PGM1: variants seen among roughly 807,000 people sequenced by gnomAD.
PGM1 encodes phosphoglucomutase-1.
In PGM1, 52 loss-of-function variants were observed where a neutral mutation model predicts 55.6. The observed-to-expected ratio is 0.94, with a 90% CI of 0.75 to 1.18. The LOEUF (loss-of-function observed/expected upper bound fraction) is 1.18. PGM1 is among the 50% of genes most tolerant of loss of function. The probability of loss-of-function intolerance (pLI) is 0.00; values close to 1 mark genes in which losing one functional copy is unlikely to be tolerated. For missense variants in PGM1, 724 were observed against 729.3 expected, an observed-to-expected ratio of 0.99 and a Z score of 0.08; for synonymous variants, 287 against 271.7, an observed-to-expected ratio of 1.06 and a Z score of -0.55.
At chr1:63,603,150 A>G (rs1326664532) in intron 1 of PGM1, among the ~76,000 whole-genome samples, 4 of 152,142 alleles carry the variant, frequency 2.6e-5, no homozygotes, top group Non-Finnish European at 5.9e-5. Flanking sequence ...AATGTACCTC[A>G]TGTTTTCTAT....
At chr1:63,612,597 A>G (rs189993417) in intron 1 of PGM1, among the ~76,000 whole-genome samples, 1 of 152,138 alleles carries the variant, frequency 6.6e-6, no homozygotes, top group East Asian at 1.9e-4. Flanking sequence ...CCACTTTTCT[A>G]CCTCATGTTG....
intron 7 of PGM1, among the ~76,000 whole-genome samples, chr1:63,647,742 T>C (rs1649693916): frequency 6.6e-6 from 1 of 152,186 alleles, no homozygotes; most frequent in Non-Finnish European, 1.5e-5. Flanking sequence ...TCAAGCCTCT[T>C]GTGTGCTTGG....
intron 3 of PGM1, among the ~76,000 whole-genome samples, chr1:63,630,935 A>C (rs1279814075): frequency 6.6e-6 from 1 of 152,158 alleles, no homozygotes; most frequent in Non-Finnish European, 1.5e-5. Context: ...CATCCTAACA[A>C]AGATAAAGTG....
At chr1:63,607,316 C>T (rs1429553773) in intron 1 of PGM1, among the ~76,000 whole-genome samples, 1 of 152,168 alleles carries the variant, frequency 6.6e-6, no homozygotes, top group Non-Finnish European at 1.5e-5. Flanking sequence ...AATTAGTATC[C>T]CATGCTTCTG....
chr1:63,627,899 G>A (rs768132944), intron 1 of PGM1, among the ~76,000 whole-genome samples: 47 of 152,258 alleles, frequency 3.1e-4, no homozygotes, highest in Non-Finnish European at 5.7e-4. Context: ...ATGTCACTGT[G>A]TTGAGTCAGG....
chr1:63,622,753 C>T (rs1648915829), intron 1 of PGM1, among the ~76,000 whole-genome samples: 2 of 152,064 alleles, frequency 1.3e-5, no homozygotes, highest in African/African-American at 4.8e-5. Context: ...CTTTGGTGGC[C>T]AATGAATAAA....
At chr1:63,607,501 C>T (rs765144114) in intron 1 of PGM1, among the ~76,000 whole-genome samples, 66 of 152,104 alleles carry the variant, frequency 4.3e-4, no homozygotes, top group Non-Finnish European at 7.1e-4. Flanking sequence ...CTGGGATAGG[C>T]GAGTGTGCCT....
intron 8 of PGM1, among the ~76,000 whole-genome samples, chr1:63,649,617 G>A (rs1050134367): frequency 2.9e-4 from 44 of 152,202 alleles, no homozygotes; most frequent in Admixed American, 2.2e-3. Context: ...TTTATAGTCC[G>A]TGATCTCTGG....
chr1:63,651,748 T>G lies in PGM1; in HGVS notation c.1360T>G (p.Phe454Val). The part of the protein sequence containing the change: ...DLEALMFDRS[F>V]VGKQFSANDK... ...GGAGGCCCTGATGTTTGATCGCTCC[T>G]TTGTGGGGAAGCAGTTCTCAGCAAA... The change falls in exon 9 of 11, where the codon TTT becomes GTT. Residue 454 changes from phenylalanine (F) to valine (V), a missense_variant. Transcript: ENST00000371084. 2 of 1,613,852 alleles carry G rather than the reference T, an allele frequency of 1.2e-6. No homozygotes were observed. The highest frequency in any genetic ancestry group is 4.5e-5 in the East Asian group (2 of 44,838).
intron 4 of PGM1, among the ~76,000 whole-genome samples, chr1:63,633,930 ATATT>A (rs1649283808): frequency 2.8e-5 from 2 of 71,318 alleles, no homozygotes; most frequent in African/African-American, 1.7e-4. Flanking sequence ...ATATATATAT[ATATT>A]TTTTTTTTTT....
intron 1 of PGM1, among the ~76,000 whole-genome samples, chr1:63,596,040 A>G (rs1183890868): frequency 6.6e-6 from 1 of 152,062 alleles, no homozygotes; most frequent in African/African-American, 2.4e-5. Context: ...GGGACTTGCC[A>G]GTTGCTAAAT....
chr1:63,601,114 T>G (rs2100956654), intron 1 of PGM1, among the ~76,000 whole-genome samples: 1 of 152,264 alleles, frequency 6.6e-6, no homozygotes, highest in South Asian at 2.1e-4. Context: ...GGCCTATACA[T>G]CATCTCAGTA....
rs180707103 is a variant in PGM1, at chr1:63,599,077, G to A, written c.246+5343G>A. On this transcript the variant is annotated intron_variant, in intron 1 of 10. Transcript: ENST00000371084. ...AAGGGGAAGGTTTTGAGACTCTTGG[G>A]TAGTTGGAGTTAGGTGGAGACACCT... Among the ~76,000 whole-genome samples, 583 of 152,334 alleles carry A rather than the reference G, an allele frequency of 3.8e-3. 3 individuals carry two copies. The highest frequency in any genetic ancestry group is 0.013 in the African/African-American group (521 of 41,578).
rs191713747 is a variant in PGM1 at position 63,607,321 on chromosome 1, C to G, written c.246+13587C>G. ...GGAGCAGTGGAATTAGTATCCCATG[C>G]TTCTGTGTGCCTTGTCCTGAGCATG... On this transcript the variant is annotated intron_variant, in intron 1 of 10. Coordinates refer to ENST00000371084, the MANE Select transcript of PGM1 (RefSeq NM_002633.3). 2.0e-5 allele frequency among the ~76,000 whole-genome samples: 3 copies of G among 152,330 alleles called. No homozygotes were observed. In the East Asian group the frequency reaches 5.8e-4, roughly 29 times the overall value.
chr1:63,636,430 C>A, intron 6 of PGM1, 42 bp downstream of exon 6: 2 of 1,600,772 alleles, frequency 1.2e-6, no homozygotes, highest in African/African-American at 1.3e-5. Flanking sequence ...CTTAGGTCGT[C>A]CCAGTCTTCA....
At chr1:63,637,873 A>AT (rs1177994667) in intron 6 of PGM1, among the ~76,000 whole-genome samples, 1 of 152,198 alleles carries the variant, frequency 6.6e-6, no homozygotes, top group Non-Finnish European at 1.5e-5. Flanking sequence ...CATAGATTTG[A>AT]TTTTTCCTCA....
intron 1 of PGM1, among the ~76,000 whole-genome samples, chr1:63,595,604 A>ATTACT (rs67526477): frequency 6.6e-6 from 1 of 151,800 alleles, no homozygotes; most frequent in African/African-American, 2.4e-5. Flanking sequence ...ATCCCAGTAG[A>ATTACT]TCATTTCCCT....
intron 7 of PGM1, among the ~76,000 whole-genome samples, chr1:63,645,784 A>T (rs1378986892): frequency 6.6e-6 from 1 of 152,240 alleles, no homozygotes; most frequent in South Asian, 2.1e-4. Context: ...AGAACCAAAA[A>T]TAGAAAGAGA....
chr1:63,623,625 G>A, intron 1 of PGM1: 1 of 1,612,602 alleles, frequency 6.2e-7, no homozygotes, highest in South Asian at 1.1e-5. Flanking sequence ...GCTATCTGGA[G>A]AATTTCATCC....
Sources: allele counts gnomAD v4.1 joint callset (sites outside exome capture counted in the v4.1 genomes callset), GRCh38; gene constraint gnomAD v4.1.1; transcripts MANE v1.5; gene names NCBI Gene and HGNC (gene_info 2026-07-23, HGNC 2026-07-21).